Variants in KNG1 observed in about 807,000 individuals in gnomAD.
KNG1 encodes kininogen 1, also known as kininogen-1.
Under a neutral mutation model 47.8 loss-of-function variants are expected in KNG1, and 23 were observed. The observed-to-expected ratio is 0.48, with a 90% CI of 0.35 to 0.68. KNG1 has a LOEUF of 0.68. Among genes scored for constraint, KNG1 ranks in the 30% least tolerant of loss-of-function variants. KNG1 has a pLI of 0.01. For synonymous variants in KNG1, 277 were observed against 277.0 expected (o/e 1.00, Z 0.00); for missense variants, 762 against 790.2 (o/e 0.96, Z 0.43).
At position 186,741,838 on chromosome 3, in the gene KNG1, A is replaced by T; in HGVS notation, c.1442A>T (p.Asp481Val). Residue 481 changes from aspartate (D) to valine (V), a missense_variant, in exon 10 of 10, where the codon GAT (aspartate) becomes GTT (valine). Physicochemically the swap from Asp to Val is radical, Grantham distance 152. Transcript: ENST00000644859. ...CATGGACATAAGTTCAAACTTGATG[A>T]TGATCTTGAACACCAAGGGGGCCAT... ...LGHGHKFKLD[D>V]DLEHQGGHVL... 6.2e-7 allele frequency: 1 copy of T among 1,613,776 alleles called. No homozygotes were observed. The highest frequency in any genetic ancestry group is 1.3e-5 in the African/African-American group (1 of 75,080).
chr3:186,739,037 A>T, intron 7 of KNG1, 62 bp from the exon 8 acceptor site: 1 of 1,312,216 alleles, frequency 7.6e-7, no homozygotes, highest in Non-Finnish European at 1.1e-6. Context: ...CATTTCTTAA[A>T]GATAAATGAT....
chr3:186,718,714 T>A (rs1851664), intron 1 of KNG1: 52,392 of 151,728 alleles, frequency 0.35, 9,339 homozygotes, highest in South Asian at 0.43. Context: ...TCCAAACCTT[T>A]AATGGGAGGG....
At chr3:186,729,311 T>G (rs536968640) in intron 5 of KNG1, among the ~76,000 whole-genome samples, 2 of 152,308 alleles carry the variant, frequency 1.3e-5, no homozygotes, top group Non-Finnish European at 2.9e-5. Flanking sequence ...GACCCAGAAG[T>G]TGCACTCTTA....
intron 7 of KNG1, chr3:186,736,640 T>C (rs541997987): frequency 6.6e-6 from 1 of 152,350 alleles, no homozygotes; most frequent in African/African-American, 2.4e-5. Flanking sequence ...AATTTTTCCT[T>C]TGACAAAGTC....
chr3:186,730,565 A>T (rs1288280802), intron 5 of KNG1, among the ~76,000 whole-genome samples: 1 of 149,308 alleles, frequency 6.7e-6, no homozygotes, highest in Non-Finnish European at 1.5e-5. Context: ...CTGAGGCAGG[A>T]GAATCACTTG....
rs1720821713 is a variant in KNG1, at chr3:186,741,844, T to C, written c.1448T>C (p.Leu483Pro). 4.3e-6 allele frequency: 7 copies of C among 1,613,614 alleles called. No individual in the cohort carries two copies. The highest frequency in any genetic ancestry group is 5.9e-6 in the Non-Finnish European group (7 of 1,179,786). The part of the protein sequence containing the change: ...HGHKFKLDDD[L>P]EHQGGHVLDH... ...CATAAGTTCAAACTTGATGATGATC[T>C]TGAACACCAAGGGGGCCATGTCCTT... The change falls in exon 10 of 10, where the codon CTT becomes CCT. Residue 483 changes from leucine to proline, a missense_variant. Coordinates refer to ENST00000644859, the MANE Select transcript of KNG1 (RefSeq NM_001102416.3).
chr3:186,726,274 CTTTTTTTTTTT>C (rs774226752), intron 4 of KNG1, among the ~76,000 whole-genome samples: 4,059 of 113,788 alleles, frequency 0.036, 192 homozygotes, highest in African/African-American at 0.12. Context: ...GACTTTTCTT[CTTTTTTTTTTT>C]TTTTTTTTTG....
chr3:186,722,548 C>G, intron 3 of KNG1, 27 bp downstream of exon 3: 2 of 1,537,486 alleles, frequency 1.3e-6, no homozygotes, highest in South Asian at 1.1e-5. Context: ...CTGGCACTGC[C>G]CTGGTGGGAA....
intron 3 of KNG1, among the ~76,000 whole-genome samples, chr3:186,724,693 CTTTCTT>C (rs1299362087): frequency 6.6e-6 from 1 of 150,716 alleles, no homozygotes; most frequent in Non-Finnish European, 1.5e-5. Context: ...TATTGTTTTT[CTTTCTT>C]TTTTTTTTTC....
chr3:186,734,116 G>C (rs1720611438), intron 7 of KNG1, among the ~76,000 whole-genome samples: 1 of 152,132 alleles, frequency 6.6e-6, no homozygotes, highest in African/African-American at 2.4e-5. Flanking sequence ...AATTGTTACA[G>C]CAAGCCAACA....
In KNG1 at chr3:186,742,895, G is replaced by GA. The variant is rs1330744577; in HGVS notation, c.*573dup. ...AGCAAGATTCTGTCTCAGAAAAAAAGAAAAAAAAAGAAATAATAAGAAAAA... is the reference window on the plus strand; with the variant it reads ...AGCAAGATTCTGTCTCAGAAAAAAAGAAAAAAAAAAGAAATAATAAGAAAAA... On this transcript the variant is annotated 3_prime_UTR_variant, in exon 10 of 10. Coordinates refer to ENST00000644859, the MANE Select transcript of KNG1 (RefSeq NM_001102416.3). 3.4e-4 allele frequency: 324 copies of GA among 958,548 alleles called. No individual in the cohort carries two copies. The highest frequency in any genetic ancestry group is 4.4e-4 in the South Asian group (9 of 20,664). The allele number at this position is 958,548 out of a possible 1,614,324, so 59.4% of individuals were successfully genotyped here. A position where few individuals can be genotyped will look rare whatever the true frequency, so the allele number is the denominator to read the frequency against.
At chr3:186,727,408 C>A (rs1720405059) in intron 5 of KNG1, 64 bp downstream of exon 5, 1 of 1,036,362 alleles carries the variant, frequency 9.6e-7, no homozygotes, top group Non-Finnish European at 1.5e-6. Context: ...TGGTAACTAT[C>A]AAGCTGGGTG....
intron 5 of KNG1, among the ~76,000 whole-genome samples, chr3:186,730,471 T>C (rs150069616): frequency 0.011 from 1,639 of 151,342 alleles, 25 homozygotes; most frequent in African/African-American, 0.038. Context: ...CTGGCCAACA[T>C]GGCAAAACCT....
Position 186,727,286 on chromosome 3 carries a change from A to C in KNG1, c.614A>C (p.Asn205Thr). 6.2e-7 allele frequency: 1 copy of C among 1,614,058 alleles called. No homozygotes were observed. Among genetic ancestry groups the C allele is most frequent in the Non-Finnish European group, 8.5e-7 (1 of 1,179,926 alleles). ...FRITYSIVQT[N>T]CSKENFLFLT... ...ATTACCTACTCAATTGTGCAAACGA[A>C]TTGTTCCAAAGAGAATTTTCTGTTC... Residue 205 changes from asparagine to threonine, a missense_variant, in exon 5 of 10, where the codon AAT becomes ACT. Physicochemically the swap from Asn to Thr is moderately conservative, Grantham distance 65 (BLOSUM62 0). Transcript: ENST00000644859.
At chr3:186,717,943 C>A in intron 1 of KNG1, 3 of 503,166 alleles carry the variant, frequency 6.0e-6, no homozygotes, top group Non-Finnish European at 1.1e-5. Flanking sequence ...CCCACCACCA[C>A]CCACCACCAT....
rs1178620693 is a variant in KNG1, at chr3:186,739,458, T to C, written c.1125+44T>C. On this transcript the variant is annotated intron_variant, in intron 9 of 9. Transcript: ENST00000644859. Reference sequence around the variant, plus strand: ...TCAGCGTGGGGTCAGTTCTGCTCATTCTGAAAATCCATATTTGGGGGCTGA... The same window carrying C: ...TCAGCGTGGGGTCAGTTCTGCTCATCCTGAAAATCCATATTTGGGGGCTGA... The C allele has an allele frequency of 3.8e-6, 5 of 1,300,270 alleles. No individual in the cohort carries two copies. In the East Asian group the frequency reaches 1.2e-4, roughly 30 times the overall value. The allele number at this position is 1,300,270 out of a possible 1,614,324, so 80.5% of individuals were successfully genotyped here.
In KNG1 at chr3:186,741,735, C is replaced by T. The variant is rs761775691; in HGVS notation, c.1339C>T (p.His447Tyr). The T allele has an allele frequency of 9.3e-6, 15 of 1,614,214 alleles. No homozygotes were observed. Among genetic ancestry groups the T allele is most frequent in the South Asian group, 6.6e-5 (6 of 91,074 alleles). ...ACATAATCTTGGCCATGGCCATAAA[C>T]ATGAACGTGACCAAGGGCATGGGCA... ...RKHNLGHGHK[H>Y]ERDQGHGHQR... Residue 447 changes from histidine (H) to tyrosine (Y), a missense_variant, in exon 10 of 10, where the codon CAT (histidine) becomes TAT (tyrosine). His to Tyr is a moderately conservative substitution (Grantham distance 83). Transcript: ENST00000644859.
At chr3:186,717,871 C>CACCACCACCACA in intron 1 of KNG1, 134 bp downstream of exon 1, 2 of 305,606 alleles carry the variant, frequency 6.5e-6, no homozygotes, top group East Asian at 1.1e-4. Context: ...CATCACCCAC[C>CACCACCACCACA]ACCACCACCA....
intron 7 of KNG1, 37 bp from the exon 8 acceptor site, chr3:186,739,062 T>C: frequency 6.8e-7 from 1 of 1,468,816 alleles, no homozygotes; most frequent in Non-Finnish European, 9.5e-7. Context: ...TATGCAAATA[T>C]TTTTAAGCGT....
Sources: gnomAD v4.1 joint callset for allele counts (sites outside exome capture counted in the v4.1 genomes callset) on GRCh38, gnomAD v4.1.1 for gene constraint, MANE v1.5 for transcripts, NCBI Gene and HGNC (gene_info 2026-07-23, HGNC 2026-07-21) for gene names.